ROR1: variants seen among roughly 807,000 people sequenced by gnomAD.
ROR1 encodes the protein ROR family WNT receptor 1, also known as inactive tyrosine-protein kinase transmembrane receptor ROR1.
A neutral mutation model predicts 78.8 loss-of-function variants in ROR1; 19 were observed. The ratio of observed to expected loss-of-function variants is 0.24; its 90% CI spans 0.17 to 0.35. The LOEUF is 0.35. Ranked by LOEUF, ROR1 falls within the 10% of genes least tolerant of loss-of-function variation. The probability of loss-of-function intolerance (pLI) is 1.00; values close to 1 mark genes in which losing one functional copy is unlikely to be tolerated. For missense variants in ROR1, 917 were observed against 1,177.8 expected (o/e 0.78, Z 3.24); for synonymous variants, 386 against 433.6 (o/e 0.89, Z 1.36).
chr1:64,151,047 G>A (rs1220140454), intron 7 of ROR1, among the ~76,000 whole-genome samples: 1 of 152,118 alleles, frequency 6.6e-6, no homozygotes, highest in Non-Finnish European at 1.5e-5. Context: ...GTAACAAACT[G>A]TTTTTTGGTT....
intron 1 of ROR1, among the ~76,000 whole-genome samples, chr1:63,877,134 A>G (rs772727800): frequency 1.6e-4 from 24 of 152,098 alleles, no homozygotes; most frequent in Admixed American, 5.9e-4. Flanking sequence ...TGCTTGGTTT[A>G]ATGGAAAGGG....
intron 4 of ROR1, among the ~76,000 whole-genome samples, chr1:64,101,569 A>G (rs1004201292): frequency 2.0e-5 from 3 of 152,268 alleles, no homozygotes; most frequent in Middle Eastern, 3.4e-3. Flanking sequence ...CTCCTGTTCT[A>G]AGAACGAAGG....
chr1:63,816,110 G>T (rs576291547), intron 1 of ROR1, among the ~76,000 whole-genome samples: 1 of 152,288 alleles, frequency 6.6e-6, no homozygotes, highest in Non-Finnish European at 1.5e-5. Context: ...ACTGGTGGCC[G>T]CTAGACAGTC....
At chr1:63,844,823 A>G (rs1037223471) in intron 1 of ROR1, among the ~76,000 whole-genome samples, 2 of 152,218 alleles carry the variant, frequency 1.3e-5, no homozygotes, top group African/African-American at 4.8e-5. Flanking sequence ...TATATTGCAA[A>G]TGGAAGGTCA....
chr1:64,061,947 T>C (rs1368454295), intron 4 of ROR1, among the ~76,000 whole-genome samples: 2 of 152,242 alleles, frequency 1.3e-5, no homozygotes, highest in Non-Finnish European at 2.9e-5. Flanking sequence ...CTTTTATCTG[T>C]CAGGCGCTTC....
intron 1 of ROR1, among the ~76,000 whole-genome samples, chr1:63,953,060 T>C (rs1244437212): frequency 6.6e-6 from 1 of 152,138 alleles, no homozygotes; most frequent in Non-Finnish European, 1.5e-5. Flanking sequence ...ATGAAAGGTG[T>C]GATTTAGAAA....
In ROR1 at chr1:63,829,283, A is replaced by G. The variant is rs138221537; in HGVS notation, c.91+54775A>G. ...TTTATGCTATGTGTTATGCAAATGT[A>G]TTCACTTATTTATTCATTTAATCAA... On this transcript the variant is annotated intron_variant, in intron 1 of 8. Coordinates refer to ENST00000371079, the MANE Select transcript of ROR1 (RefSeq NM_005012.4). Among the ~76,000 whole-genome samples the G allele has an allele frequency of 3.8e-3, 579 of 152,380 alleles. 4 individuals carry two copies. The highest frequency in any genetic ancestry group is 0.013 in the African/African-American group (553 of 41,600).
intron 2 of ROR1, among the ~76,000 whole-genome samples, chr1:64,014,738 C>CTATATATATAT (rs1456430703): frequency 1.3e-3 from 12 of 9,074 alleles, no homozygotes; most frequent in African/African-American, 3.1e-3. Context: ...CACATACGCA[C>CTATATATATAT]ACTATATATA....
intron 1 of ROR1, among the ~76,000 whole-genome samples, chr1:63,988,567 C>T (rs1646269396): frequency 6.6e-6 from 1 of 152,120 alleles, no homozygotes; most frequent in South Asian, 2.1e-4. Flanking sequence ...TAATCATTAC[C>T]ACCATCCAAT....
intron 1 of ROR1, among the ~76,000 whole-genome samples, chr1:63,986,265 G>A (rs1646251110): frequency 6.6e-6 from 1 of 152,178 alleles, no homozygotes; most frequent in Non-Finnish European, 1.5e-5. Flanking sequence ...ATGTCTTTCT[G>A]TATTTCTCTT....
chr1:64,066,037 C>T (rs922806312), intron 4 of ROR1, among the ~76,000 whole-genome samples: 1 of 152,104 alleles, frequency 6.6e-6, no homozygotes, highest in Non-Finnish European at 1.5e-5. Context: ...GGACGTGTTC[C>T]ATAGATAACA....
chr1:64,034,086 C>T (rs147175487), intron 2 of ROR1, among the ~76,000 whole-genome samples: 1 of 152,208 alleles, frequency 6.6e-6, no homozygotes, highest in African/African-American at 2.4e-5. Context: ...TTCTTGAAGA[C>T]TTCTAATTTT....
chr1:64,073,314 G>A (rs1339114092), intron 4 of ROR1, among the ~76,000 whole-genome samples: 1 of 152,104 alleles, frequency 6.6e-6, no homozygotes, highest in African/African-American at 2.4e-5. Flanking sequence ...TCCTCTGTGT[G>A]CCCCTTCCTG....
At chr1:63,909,052 AC>A in intron 1 of ROR1, among the ~76,000 whole-genome samples, 1 of 152,158 alleles carries the variant, frequency 6.6e-6, no homozygotes, top group East Asian at 1.9e-4. Context: ...TGTCTTGGTG[AC>A]CTAGCAAACA....
chr1:63,898,203 G>C (rs1004514178), intron 1 of ROR1, among the ~76,000 whole-genome samples: 26 of 152,260 alleles, frequency 1.7e-4, no homozygotes, highest in African/African-American at 6.0e-4. Context: ...TCACATGTGG[G>C]TCTTTCATGA....
intron 1 of ROR1, among the ~76,000 whole-genome samples, chr1:63,964,514 T>G (rs934198356): frequency 1.3e-5 from 2 of 152,202 alleles, no homozygotes; most frequent in Non-Finnish European, 2.9e-5. Context: ...TCTAGAACTG[T>G]GCCAGGAGTA....
intron 1 of ROR1, among the ~76,000 whole-genome samples, chr1:63,945,350 C>T (rs945441268): frequency 6.6e-6 from 1 of 151,792 alleles, no homozygotes; most frequent in Admixed American, 6.5e-5. Flanking sequence ...GTGTGATTCA[C>T]TCTAATATTT....
intron 1 of ROR1, among the ~76,000 whole-genome samples, chr1:63,845,850 A>T (rs1366423814): frequency 6.6e-6 from 1 of 152,176 alleles, no homozygotes; most frequent in African/African-American, 2.4e-5. Flanking sequence ...CATGTCACAG[A>T]TGAGGAATTT....
At chr1:63,823,593 G>A (rs1289068223) in intron 1 of ROR1, among the ~76,000 whole-genome samples, 1 of 151,712 alleles carries the variant, frequency 6.6e-6, no homozygotes, top group Non-Finnish European at 1.5e-5. Context: ...GGGACTAGGA[G>A]TCCGTGCCAC....
Sources: gnomAD v4.1 joint callset for allele counts (sites outside exome capture counted in the v4.1 genomes callset) on GRCh38, gnomAD v4.1.1 for gene constraint, MANE v1.5 for transcripts, NCBI Gene and HGNC (gene_info 2026-07-23, HGNC 2026-07-21) for gene names.